The following SEC31A variants were observed in gnomAD, a reference collection of about 807,000 sequenced individuals.
SEC31A encodes the protein SEC31 homolog A, COPII component.
Under a neutral mutation model 151.0 loss-of-function variants are expected in SEC31A, and 70 were observed. The observed-to-expected ratio is 0.46, with a 90% CI of 0.38 to 0.57. The LOEUF (loss-of-function observed/expected upper bound fraction) is 0.57. Ranked by LOEUF, SEC31A falls within the 20% of genes least tolerant of loss-of-function variation. The pLI is 0.00. For missense variants in SEC31A, 1,330 were observed against 1,471.2 expected, an observed-to-expected ratio of 0.90 and a Z score of 1.57; for synonymous variants, 475 against 505.9, an observed-to-expected ratio of 0.94 and a Z score of 0.82.
intron 3 of SEC31A, among the ~76,000 whole-genome samples, chr4:82,899,121 G>A (rs1355511083): frequency 6.6e-6 from 1 of 152,180 alleles, no homozygotes; most frequent in Non-Finnish European, 1.5e-5. Context: ...CCATATATTA[G>A]TTCATAATTC....
intron 20 of SEC31A, among the ~76,000 whole-genome samples, chr4:82,846,767 T>G (rs1730324561): frequency 6.6e-6 from 1 of 152,122 alleles, no homozygotes; most frequent in Non-Finnish European, 1.5e-5. Context: ...CAGGCTGGAG[T>G]GCAATGGCGT....
upstream of SEC31A, chr4:82,891,324 G>T (rs2125995160): frequency 1.3e-6 from 1 of 780,616 alleles, no homozygotes; most frequent in Non-Finnish European, 2.0e-6. Context: ...CCTGGGAGGC[G>T]GGGTACGGCT....
rs546667233 is a variant in SEC31A, at chr4:82,845,099, G to T, written c.2503-590C>A. On this transcript the variant is annotated intron_variant, in intron 20 of 26. Transcript: ENST00000395310. Reference sequence around the variant, plus strand: ...AATGCAATGAGCAGGCAGATGGATGGGGAGTGGGGGTGAAAGAGCTTGAGG... The same window carrying T: ...AATGCAATGAGCAGGCAGATGGATGTGGAGTGGGGGTGAAAGAGCTTGAGG... The T allele has an allele frequency of 8.3e-6, 6 of 726,076 alleles. No individual in the cohort carries two copies. The East Asian group carries it at 1.2e-4, about 15-fold the overall frequency. 45.0% of individuals were successfully genotyped at this position (726,076 alleles called of 1,614,324 possible).
At chr4:82,846,046 T>C (rs1730060891) in intron 20 of SEC31A, among the ~76,000 whole-genome samples, 1 of 152,074 alleles carries the variant, frequency 6.6e-6, no homozygotes, top group Non-Finnish European at 1.5e-5. Context: ...ACTCTGTCGC[T>C]AGGCTGAAGT....
chr4:82,872,118 T>C, intron 6 of SEC31A, 32 bp from the exon 7 acceptor site: 2 of 1,554,404 alleles, frequency 1.3e-6, no homozygotes, highest in Non-Finnish European at 1.8e-6. Context: ...ATTTTATGAA[T>C]CAAATTACTT....
At chr4:82,830,479 A>C (rs1725692189) in intron 22 of SEC31A, among the ~76,000 whole-genome samples, 2 of 152,188 alleles carry the variant, frequency 1.3e-5, no homozygotes, top group Non-Finnish European at 2.9e-5. Context: ...AAAAATAAAA[A>C]TAAAAAAATA....
chr4:82,862,269 A>T (rs1157809428), intron 13 of SEC31A, among the ~76,000 whole-genome samples: 3 of 150,968 alleles, frequency 2.0e-5, no homozygotes, highest in Non-Finnish European at 3.0e-5. Flanking sequence ...AAAAAAAAAA[A>T]TTTTATCTTA....
chr4:82,857,625 T>A, intron 15 of SEC31A, 64 bp downstream of exon 15: 8 of 1,056,850 alleles, frequency 7.6e-6, no homozygotes, highest in Non-Finnish European at 1.2e-5. Flanking sequence ...TTAACTTAAA[T>A]GCAGGAACTA....
chr4:82,865,930 TG>T (rs1735264685), intron 10 of SEC31A, among the ~76,000 whole-genome samples: 1 of 151,908 alleles, frequency 6.6e-6, no homozygotes, highest in Non-Finnish European at 1.5e-5. Context: ...TATTTTAAAA[TG>T]GTTAAGATAG....
chr4:82,890,364 GA>G (rs1431700127), intron 1 of SEC31A, among the ~76,000 whole-genome samples: 4 of 152,074 alleles, frequency 2.6e-5, no homozygotes, highest in Non-Finnish European at 4.4e-5. Context: ...TCTATAGTTA[GA>G]AAAAATAAGT....
Position 82,866,865 on chromosome 4 carries a change from C to T in SEC31A, c.1140G>A (p.Val380=), listed in dbSNP as rs1014443929. ...ACTTGGGCGGCTTCTTCAGAGGCAG[C>T]ACTATACTATGCTGAGCAGTCTGCT... The part of the protein sequence containing the change: ...IPQQTAQHSI[V]LPLKKPPKWI... Residue 380 remains valine (V), a synonymous_variant, in exon 10 of 27, where the codon GTG becomes GTA. Transcript: ENST00000395310. 6 of 1,613,948 alleles carry T rather than the reference C, an allele frequency of 3.7e-6. No homozygotes were observed. Among genetic ancestry groups the T allele is most frequent in the Non-Finnish European group, 5.1e-6 (6 of 1,179,998 alleles).
intron 9 of SEC31A, 82 bp from the exon 10 acceptor site, chr4:82,867,042 A>G: frequency 1.3e-6 from 2 of 1,554,964 alleles, no homozygotes; most frequent in Non-Finnish European, 1.7e-6. Context: ...AAAATTTTTG[A>G]TCACAATTGT....
intron 23 of SEC31A, among the ~76,000 whole-genome samples, chr4:82,827,966 G>A (rs1300444966): frequency 6.6e-6 from 1 of 151,440 alleles, no homozygotes; most frequent in East Asian, 1.9e-4. Flanking sequence ...CCAGGCTGAA[G>A]TGCAATAGCG....
In SEC31A at chr4:82,845,143, A is replaced by G. The variant is rs552025317; in HGVS notation, c.2503-634T>C. 39 of 1,144,442 alleles carry G rather than the reference A, an allele frequency of 3.4e-5. No individual in the cohort carries two copies. The Admixed American group carries it at 5.2e-4, about 15-fold the overall frequency. 70.9% of individuals were successfully genotyped at this position (1,144,442 alleles called of 1,614,324 possible). A position where few individuals can be genotyped will look rare whatever the true frequency, so the allele number is the denominator to read the frequency against. On this transcript the variant is annotated intron_variant, in intron 20 of 26. Coordinates refer to ENST00000395310, the MANE Select transcript of SEC31A (RefSeq NM_001077207.4). Reference sequence around the variant, plus strand: ...CTTGAGGAAGGTAAGTAGAGAACATATAACTGTATATTTAGGTGAGCAGAA... The same window carrying G: ...CTTGAGGAAGGTAAGTAGAGAACATGTAACTGTATATTTAGGTGAGCAGAA...
intron 26 of SEC31A, 49 bp from the exon 27 acceptor site, chr4:82,819,302 C>A: frequency 7.4e-7 from 1 of 1,359,548 alleles, no homozygotes; most frequent in Non-Finnish European, 9.9e-7. Flanking sequence ...GGGATAACTT[C>A]CCATGAGATC....
intron 17 of SEC31A, among the ~76,000 whole-genome samples, 174 bp downstream of exon 17, chr4:82,854,726 AAAG>A (rs1255364795): frequency 6.6e-6 from 1 of 152,070 alleles, no homozygotes; most frequent in Non-Finnish European, 1.5e-5. Context: ...AAAAAAAAAA[AAAG>A]AGTAGGTATG....
At chr4:82,897,521 G>C (rs182671230) in intron 3 of SEC31A, among the ~76,000 whole-genome samples, 1 of 152,036 alleles carries the variant, frequency 6.6e-6, no homozygotes, top group African/African-American at 2.4e-5. Context: ...TCTATATACT[G>C]TATATAAAAA....
chr4:82,868,637 G>C (rs1386511634), intron 8 of SEC31A, among the ~76,000 whole-genome samples: 1 of 152,110 alleles, frequency 6.6e-6, no homozygotes, highest in Non-Finnish European at 1.5e-5. Context: ...CAACATCTTA[G>C]GACTTTATGA....
At position 82,857,040 on chromosome 4, in the gene SEC31A, G is replaced by C. The variant is rs1181964062; in HGVS notation, c.1793C>G (p.Ala598Gly). 35 of 1,613,792 alleles carry C rather than the reference G, an allele frequency of 2.2e-5. No individual in the cohort carries two copies. The highest frequency in any genetic ancestry group is 3.0e-5 in the Non-Finnish European group (35 of 1,179,892). Residue 598 changes from alanine to glycine, a missense_variant, in exon 16 of 27, where the codon GCC (alanine) becomes GGC (glycine). Physicochemically the swap from Ala to Gly is moderately conservative, Grantham distance 60. Transcript: ENST00000395310. Reference sequence around the variant, plus strand: ...TCCACCTGCTATGGCCAATATAATGGCATCGGCCATGCGGTTATCATGTAA... The same window carrying C: ...TCCACCTGCTATGGCCAATATAATGCCATCGGCCATGCGGTTATCATGTAA... ...LCLHDNRMAD[A>G]IILAIAGGQE... is the part of the protein sequence containing the mutation.
Sources: allele counts gnomAD v4.1 joint callset (sites outside exome capture counted in the v4.1 genomes callset), GRCh38; gene constraint gnomAD v4.1.1; transcripts MANE v1.5; gene names NCBI Gene and HGNC (gene_info 2026-07-23, HGNC 2026-07-21).